The following RIMS2 variants were observed in gnomAD, a reference collection of about 807,000 sequenced individuals.
RIMS2 encodes regulating synaptic membrane exocytosis protein 2.
In RIMS2, 59 loss-of-function variants were observed where a neutral mutation model predicts 174.4. That is an observed-to-expected ratio of 0.34 (90% confidence interval 0.27 to 0.42). The LOEUF (loss-of-function observed/expected upper bound fraction) is 0.42. RIMS2 is among the 10% of genes least tolerant of loss of function. The pLI is 1.00. For synonymous variants in RIMS2, 606 were observed against 572.5 expected, an observed-to-expected ratio of 1.06 and a Z score of -0.84; for missense variants, 1,620 against 1,666.3, an observed-to-expected ratio of 0.97 and a Z score of 0.48.
intron 14 of RIMS2, 53 bp downstream of exon 16, chr8:103,942,979 G>T: frequency 1.5e-6 from 2 of 1,299,506 alleles, no homozygotes; most frequent in Non-Finnish European, 2.2e-6. Context: ...CTAATCTTGA[G>T]TGATGTATGT....
At chr8:103,564,748 C>T (rs2092118708) in intron 1 of RIMS2, among the ~76,000 whole-genome samples, 1 of 152,122 alleles carries the variant, frequency 6.6e-6, no homozygotes, top group South Asian at 2.1e-4. Context: ...TGGTGCCCAC[C>T]CAGATTGAGG....
intron 2 of RIMS2, among the ~76,000 whole-genome samples, chr8:103,713,755 C>T (rs16870649): frequency 0.12 from 18,906 of 152,118 alleles, 1,280 homozygotes; most frequent in Middle Eastern, 0.22. Flanking sequence ...TCAGTGACTC[C>T]TCATCACCTG....
chr8:103,509,079 T>A lies in RIMS2; in HGVS notation c.176+8017T>A, dbSNP rs191233757. On this transcript the variant is annotated intron_variant, in intron 1 of 23. Coordinates refer to ENST00000504942, the Ensembl canonical transcript of RIMS2. ...AGTTATTCTAGAGAGTTTGTAGCAT[T>A]AATATGAGTAATAGAAGTGACTATA... Among the ~76,000 whole-genome samples the A allele has an allele frequency of 1.7e-4, 26 of 152,186 alleles. 1 individual carries two copies. In the East Asian group the frequency reaches 4.4e-3, roughly 26 times the overall value.
chr8:103,572,534 C>T (rs1375092725), intron 1 of RIMS2, among the ~76,000 whole-genome samples: 2 of 151,738 alleles, frequency 1.3e-5, no homozygotes, highest in African/African-American at 4.8e-5. Context: ...GTAAGCATTC[C>T]TTTTTCTCTG....
intron 10 of RIMS2, among the ~76,000 whole-genome samples, chr8:103,926,048 A>G (rs2078712335): frequency 2.0e-5 from 3 of 151,656 alleles, no homozygotes; most frequent in African/African-American, 2.4e-5. Flanking sequence ...TGTGAGATGC[A>G]TGTCTGAGTT....
intron 1 of RIMS2, among the ~76,000 whole-genome samples, chr8:103,546,112 A>G (rs1844952686): frequency 6.6e-6 from 1 of 152,196 alleles, no homozygotes; most frequent in Admixed American, 6.5e-5. Context: ...AACAAGACCC[A>G]ATTGTATGTT....
At position 103,961,295 on chromosome 8, in the gene RIMS2, A is replaced by G. The variant is rs78897224; in HGVS notation, c.2770+162A>G. 4.5e-3 allele frequency among the ~76,000 whole-genome samples: 682 copies of G among 152,248 alleles called. 2 individuals are homozygous for G. Among genetic ancestry groups the G allele is most frequent in the African/African-American group, 0.015 (612 of 41,574 alleles). ...CAACTTAAACCCCTGAGTAATCCCAATTGCTGGAACACCTGTACCAATTAG... is the reference window on the plus strand; with the variant it reads ...CAACTTAAACCCCTGAGTAATCCCAGTTGCTGGAACACCTGTACCAATTAG... On this transcript the variant is annotated intron_variant, in intron 15 of 23. Transcript: ENST00000504942.
intron 3 of RIMS2, among the ~76,000 whole-genome samples, chr8:103,851,949 T>C (rs79298148): frequency 0.054 from 8,216 of 152,086 alleles, 319 homozygotes; most frequent in Non-Finnish European, 0.079. Context: ...TTGCATGTTT[T>C]TGTATCTCTC....
intron 2 of RIMS2, among the ~76,000 whole-genome samples, chr8:103,704,451 G>A (rs976425696): frequency 6.6e-6 from 1 of 151,942 alleles, no homozygotes; most frequent in Non-Finnish European, 1.5e-5. Context: ...GTCTTTGCCT[G>A]TTTTCATTCT....
intron 2 of RIMS2, among the ~76,000 whole-genome samples, chr8:103,728,368 C>T (rs1327089494): frequency 1.3e-5 from 2 of 152,056 alleles, no homozygotes; most frequent in Non-Finnish European, 2.9e-5. Context: ...ATGAGATCAT[C>T]TGTAAACAAG....
At chr8:104,096,757 A>G (rs1182774992) in intron 19 of RIMS2, among the ~76,000 whole-genome samples, 2 of 151,618 alleles carry the variant, frequency 1.3e-5, no homozygotes, top group African/African-American at 4.9e-5. Context: ...AGTCCCAGCT[A>G]CTCGGGAGGC....
chr8:103,905,807 T>C (rs1181169489), intron 4 of RIMS2, among the ~76,000 whole-genome samples: 1 of 150,560 alleles, frequency 6.6e-6, no homozygotes, highest in Non-Finnish European at 1.5e-5. Flanking sequence ...CTGTTTTCTG[T>C]CTGTTTTTCA....
chr8:103,538,752 C>A (rs1466558070), intron 1 of RIMS2, among the ~76,000 whole-genome samples: 1 of 152,140 alleles, frequency 6.6e-6, no homozygotes, highest in East Asian at 1.9e-4. Flanking sequence ...CGTGATCCAC[C>A]CGCCTTGGCC....
At chr8:103,799,563 T>G (rs10955328) in intron 3 of RIMS2, among the ~76,000 whole-genome samples, 23,882 of 152,152 alleles carry the variant, frequency 0.16, 1,983 homozygotes, top group Middle Eastern at 0.24. Flanking sequence ...CAGTCCATAC[T>G]TCTACTTGTA....
intron 3 of RIMS2, among the ~76,000 whole-genome samples, chr8:103,845,639 A>G (rs928106524): frequency 1.3e-5 from 2 of 152,078 alleles, no homozygotes; most frequent in Non-Finnish European, 2.9e-5. Context: ...TAATTTTTTT[A>G]TAGCTGGATA....
intron 17 of RIMS2, among the ~76,000 whole-genome samples, chr8:103,995,981 T>G (rs1455900456): frequency 1.3e-5 from 2 of 151,952 alleles, no homozygotes; most frequent in Non-Finnish European, 2.9e-5. Context: ...TAAAACTTGG[T>G]TTATTAAATA....
At chr8:103,599,193 A>G (rs1353510411) in intron 1 of RIMS2, among the ~76,000 whole-genome samples, 2 of 151,804 alleles carry the variant, frequency 1.3e-5, no homozygotes, top group Non-Finnish European at 2.9e-5. Context: ...AGGACCTTTC[A>G]TCTGTATTTG....
At chr8:104,236,839 C>T (rs1222475079) in intron 19 of RIMS2, among the ~76,000 whole-genome samples, 1 of 152,040 alleles carries the variant, frequency 6.6e-6, no homozygotes, top group African/African-American at 2.4e-5. Flanking sequence ...AAAAGCACTT[C>T]AGGTAAAAAC....
intron 12 of RIMS2, among the ~76,000 whole-genome samples, chr8:103,936,085 TG>T (rs2081186383): frequency 1.3e-5 from 2 of 152,198 alleles, no homozygotes; most frequent in Non-Finnish European, 2.9e-5. Flanking sequence ...AAATTATCAT[TG>T]GTCATTAGCT....
Sources: gnomAD v4.1 joint callset for allele counts (sites outside exome capture counted in the v4.1 genomes callset) on GRCh38, gnomAD v4.1.1 for gene constraint, MANE v1.5 for transcripts, NCBI Gene and HGNC (gene_info 2026-07-23, HGNC 2026-07-21) for gene names.